PIEZO1: variants seen among roughly 807,000 people sequenced by gnomAD.
PIEZO1 encodes piezo type mechanosensitive ion channel component 1 (Er blood group).
In PIEZO1, 296 loss-of-function variants were observed where a neutral mutation model predicts 297.2. The ratio of observed to expected loss-of-function variants is 1.00; its 90% CI spans 0.91 to 1.10. The LOEUF (loss-of-function observed/expected upper bound fraction) is 1.10. PIEZO1 is among the 50% of genes least tolerant of loss of function. The probability of loss-of-function intolerance (pLI) is 0.00; values close to 1 mark genes in which losing one functional copy is unlikely to be tolerated. For synonymous variants in PIEZO1, 2,427 were observed against 1,507.5 expected (o/e 1.61, Z -14.13); for missense variants, 5,018 against 3,455.5 (o/e 1.45, Z -11.34).
intron 12 of PIEZO1, among the ~76,000 whole-genome samples, chr16:88,735,459 G>A (rs1033804121): frequency 3.3e-5 from 5 of 152,286 alleles, no homozygotes; most frequent in Non-Finnish European, 7.3e-5. Flanking sequence ...ATGGATGAGT[G>A]CATGGGTTCA....
chr16:88,732,529 G>A lies in PIEZO1; in HGVS notation c.2797C>T (p.Leu933=), dbSNP rs1025629959. The change falls in exon 21 of 51, where the codon CTG becomes TTG. Residue 933 remains leucine, a synonymous_variant. Coordinates refer to ENST00000301015, the MANE Select transcript of PIEZO1 (RefSeq NM_001142864.4). ...AATACCAGCAGCAGCAGCACTTGCA[G>A]GTGGTTCTGCGGAGGGCAAGGGTCA... ...FPNLGYIQNH[L]QVLLLLVFEA... is the part of the protein sequence containing the mutation. 2 of 1,546,638 alleles carry A rather than the reference G, an allele frequency of 1.3e-6. No homozygotes were observed. The highest frequency in any genetic ancestry group is 1.4e-5 in the African/African-American group (1 of 72,976).
Position 88,735,262 on chromosome 16 carries a change from G to T in PIEZO1, c.1558-16C>A. 6.6e-7 allele frequency: 1 copy of T among 1,519,958 alleles called. No homozygotes were observed. Among genetic ancestry groups the T allele is most frequent in the South Asian group, 1.2e-5 (1 of 83,432 alleles). 94.2% of individuals were successfully genotyped at this position (1,519,958 alleles called of 1,614,324 possible). ...TGTAGAGCAACTGTGACAAGCGCAG[G>T]GTGTCACAGTCAGCCGGGGGGCCCA... On this transcript the variant is annotated splice_polypyrimidine_tract_variant and intron_variant, in intron 12 of 50. Transcript: ENST00000301015.
chr16:88,730,826 G>T (rs187085018), intron 22 of PIEZO1, among the ~76,000 whole-genome samples: 4 of 152,220 alleles, frequency 2.6e-5, no homozygotes, highest in African/African-American at 9.7e-5. Context: ...CAGAATTCTT[G>T]GAAAGCAGCC....
intron 1 of PIEZO1, among the ~76,000 whole-genome samples, chr16:88,783,360 G>A (rs1908022198): frequency 6.6e-6 from 1 of 152,198 alleles, no homozygotes; most frequent in Non-Finnish European, 1.5e-5. Flanking sequence ...AAGATTTTGT[G>A]ACATGAAAAT....
intron 1 of PIEZO1, among the ~76,000 whole-genome samples, chr16:88,757,329 G>GAA (rs1567687608): frequency 7.9e-5 from 10 of 126,862 alleles, no homozygotes; most frequent in African/African-American, 3.7e-4. Flanking sequence ...CGGGGGGGTG[G>GAA]GGGGTAGTTA....
chr16:88,764,085 G>C (rs1907056148), intron 1 of PIEZO1, among the ~76,000 whole-genome samples: 1 of 152,184 alleles, frequency 6.6e-6, no homozygotes, highest in Non-Finnish European at 1.5e-5. Context: ...GCTTCCCCGG[G>C]GGGCACCAGA....
intron 1 of PIEZO1, among the ~76,000 whole-genome samples, chr16:88,750,524 C>A (rs1027322981): frequency 7.9e-5 from 12 of 152,256 alleles, no homozygotes; most frequent in African/African-American, 2.9e-4. Context: ...GTCCCGGGGC[C>A]TGGCCTCCCA....
At chr16:88,758,822 C>A (rs1906793709) in intron 1 of PIEZO1, among the ~76,000 whole-genome samples, 1 of 152,246 alleles carries the variant, frequency 6.6e-6, no homozygotes, top group Admixed American at 6.5e-5. Flanking sequence ...GTCGCAGAGA[C>A]AACAGTGCCT....
At chr16:88,741,931 T>G in intron 4 of PIEZO1, 122 bp downstream of exon 4, 1 of 1,052,558 alleles carries the variant, frequency 9.5e-7, no homozygotes. Flanking sequence ...GGTCTCCAGG[T>G]GTGGGTGGGA....
chr16:88,733,224 C>T lies in PIEZO1; in HGVS notation c.2664+54G>A, dbSNP rs893178879. ...CAGCTGCCCCAGGAGGGTCGGGCTG[C>T]GAATACAGAGTTGCCTGGAGCTTCC... On this transcript the variant is annotated intron_variant, in intron 19 of 50. Coordinates refer to ENST00000301015, the MANE Select transcript of PIEZO1 (RefSeq NM_001142864.4). The T allele has an allele frequency of 7.4e-6, 11 of 1,485,408 alleles. No homozygotes were observed. In the African/African-American group the frequency reaches 1.1e-4, roughly 15 times the overall value. The allele number at this position is 1,485,408 out of a possible 1,614,324, so 92.0% of individuals were successfully genotyped here.
chr16:88,738,721 C>T lies in PIEZO1; in HGVS notation c.481G>A (p.Asp161Asn). 1.3e-6 allele frequency: 2 copies of T among 1,531,946 alleles called. No individual in the cohort carries two copies. The highest frequency in any genetic ancestry group is 1.7e-6 in the Non-Finnish European group (2 of 1,143,758). The allele number at this position is 1,531,946 out of a possible 1,614,324, so 94.9% of individuals were successfully genotyped here. A position where few individuals can be genotyped will look rare whatever the true frequency, so the allele number is the denominator to read the frequency against. ...HPRELDDDER[D>N]VDASPTAGLQ... Reference sequence around the variant, plus strand: ...CCTGCCGTCGGGCTGGCATCCACATCCCTCTCATCATCATCCTGCCAAGGT... The same window carrying T: ...CCTGCCGTCGGGCTGGCATCCACATTCCTCTCATCATCATCCTGCCAAGGT... The change falls in exon 6 of 51, where the codon GAT becomes AAT. Residue 161 changes from aspartate (D) to asparagine (N), a missense_variant. Asp to Asn is a conservative substitution (Grantham distance 23, BLOSUM62 1). Coordinates refer to ENST00000301015, the MANE Select transcript of PIEZO1 (RefSeq NM_001142864.4).
At chr16:88,782,155 G>C (rs1003526324) in intron 1 of PIEZO1, among the ~76,000 whole-genome samples, 3 of 152,174 alleles carry the variant, frequency 2.0e-5, no homozygotes, top group African/African-American at 7.2e-5. Context: ...TGTCACCCAG[G>C]CTGGAGTGCA....
intron 2 of PIEZO1, among the ~76,000 whole-genome samples, chr16:88,748,282 C>T (rs544823190): frequency 2.0e-4 from 31 of 152,416 alleles, no homozygotes; most frequent in Non-Finnish European, 4.0e-4. Context: ...AAAACGCGCT[C>T]TCCTAAAACG....
rs1424508202 is a variant in PIEZO1 at position 88,734,464 on chromosome 16, AG to A, written c.2071del (p.Leu691SerfsTer41). 4 of 1,549,820 alleles carry A rather than the reference AG, an allele frequency of 2.6e-6. No homozygotes were observed. ...GTGCAGCTGCAGGATGCAGGCCAGG[AG>A]GAAGAAGCCGGGCACCAGGATGCTG... ...FSSILVPGFF[L>X]LACILQLHYF... On this transcript the variant is annotated frameshift_variant, in exon 16 of 51. Coordinates refer to ENST00000301015, the MANE Select transcript of PIEZO1 (RefSeq NM_001142864.4). LOFTEE classifies it high-confidence loss of function.
At position 88,722,663 on chromosome 16, in the gene PIEZO1, C is replaced by A. The variant is rs531569993; in HGVS notation, c.4695G>T (p.Leu1565=). The A allele has an allele frequency of 2.0e-6, 3 of 1,538,112 alleles. No individual in the cohort carries two copies. Among genetic ancestry groups the A allele is most frequent in the Non-Finnish European group, 2.6e-6 (3 of 1,146,472 alleles). ...LQGGEVHRGV[L]DQLYTSQAEA... ...CGGCCTGGCTTGTGTACAGCTGATC[C>A]AGCACGCCCCTGTGCACTTCGCCGC... Residue 1565 remains leucine, a synonymous_variant, in exon 35 of 51, where the codon CTG becomes CTT. Transcript: ENST00000301015.
intron 30 of PIEZO1, among the ~76,000 whole-genome samples, chr16:88,724,643 G>T (rs1053609867): frequency 1.3e-5 from 2 of 152,186 alleles, no homozygotes; most frequent in African/African-American, 2.4e-5. Context: ...GCAGTGAGCT[G>T]AGATCATGCC....
intron 1 of PIEZO1, among the ~76,000 whole-genome samples, chr16:88,764,706 G>C (rs571462520): frequency 6.8e-6 from 1 of 147,188 alleles, no homozygotes; most frequent in South Asian, 2.1e-4. Flanking sequence ...AGCTGGGATC[G>C]CACCACTGCA....
chr16:88,778,698 G>C (rs939920512), intron 1 of PIEZO1, among the ~76,000 whole-genome samples: 1 of 152,166 alleles, frequency 6.6e-6, no homozygotes, highest in Admixed American at 6.5e-5. Context: ...ACACAGGAAG[G>C]GTCCCTGCAA....
chr16:88,770,640 C>T (rs1907382694), intron 1 of PIEZO1, among the ~76,000 whole-genome samples: 1 of 152,218 alleles, frequency 6.6e-6, no homozygotes. Context: ...GGGTACTCTC[C>T]CGCCAGCTGC....
Sources: gnomAD v4.1 joint callset for allele counts (sites outside exome capture counted in the v4.1 genomes callset) on GRCh38, gnomAD v4.1.1 for gene constraint, MANE v1.5 for transcripts, NCBI Gene and HGNC (gene_info 2026-07-23, HGNC 2026-07-21) for gene names.